The following ABI3BP variants were observed in gnomAD, a reference collection of about 807,000 sequenced individuals.
ABI3BP encodes ABI family member 3 binding protein.
Under a neutral mutation model 268.6 loss-of-function variants are expected in ABI3BP, and 216 were observed. That is an observed-to-expected ratio of 0.80 (90% CI 0.72 to 0.90). The LOEUF (loss-of-function observed/expected upper bound fraction) is 0.90, where lower values mean the gene tolerates loss of function less well. ABI3BP is among the 40% of genes least tolerant of loss of function. The pLI, the probability that ABI3BP is intolerant of heterozygous loss-of-function variation, is 0.00. For missense variants in ABI3BP, 2,090 were observed against 2,182.4 expected, an observed-to-expected ratio of 0.96 and a Z score of 0.84; for synonymous variants, 730 against 730.0, an observed-to-expected ratio of 1.00 and a Z score of 0.00.
chr3:100,814,658 G>A (rs895282409), intron 44 of ABI3BP, among the ~76,000 whole-genome samples: 2 of 152,076 alleles, frequency 1.3e-5, no homozygotes, highest in African/African-American at 2.4e-5. Flanking sequence ...GGTAAAATGT[G>A]TCCTTTCTTT....
chr3:100,765,154 C>CTT (rs1312256452), intron 63 of ABI3BP, among the ~76,000 whole-genome samples: 2 of 148,632 alleles, frequency 1.3e-5, no homozygotes, highest in Non-Finnish European at 3.0e-5. Flanking sequence ...CTAGAAATGT[C>CTT]TAAGACACTT....
chr3:100,938,674 CT>C (rs1396940587), intron 1 of ABI3BP, among the ~76,000 whole-genome samples: 10 of 152,124 alleles, frequency 6.6e-5, no homozygotes, highest in Non-Finnish European at 1.3e-4. Context: ...ACCATGGCAG[CT>C]TCAGCTAAAT....
intron 1 of ABI3BP, among the ~76,000 whole-genome samples, chr3:100,947,265 C>T (rs1367937407): frequency 6.6e-6 from 1 of 152,136 alleles, no homozygotes; most frequent in Non-Finnish European, 1.5e-5. Context: ...GTCAAAGTGG[C>T]TTGGCATCAT....
At chr3:100,929,923 C>T (rs1486519663) in intron 1 of ABI3BP, among the ~76,000 whole-genome samples, 2 of 151,844 alleles carry the variant, frequency 1.3e-5, no homozygotes. Flanking sequence ...TTCCTTTGAA[C>T]GAATGTTTAG....
Position 100,753,810 on chromosome 3 carries a change from G to A in ABI3BP, c.4960+9C>T. ...CATGTAGTTGTGCCTCATTGAGACAGGTACTTACCAGAAACTGGCTCACTC... is the reference window on the plus strand; with the variant it reads ...CATGTAGTTGTGCCTCATTGAGACAAGTACTTACCAGAAACTGGCTCACTC... On this transcript the variant is annotated intron_variant, in intron 65 of 67. Transcript: ENST00000471714. 1.9e-6 allele frequency: 3 copies of A among 1,610,908 alleles called. No individual in the cohort carries two copies. The highest frequency in any genetic ancestry group is 2.5e-6 in the Non-Finnish European group (3 of 1,178,700).
At chr3:100,856,502 T>C (rs893061544) in intron 14 of ABI3BP, among the ~76,000 whole-genome samples, 1 of 152,216 alleles carries the variant, frequency 6.6e-6, no homozygotes, top group African/African-American at 2.4e-5. Flanking sequence ...GAGGAAATTA[T>C]ACCAGAATAA....
Position 100,886,238 on chromosome 3 carries a change from T to G in ABI3BP, c.547A>C (p.Asn183His), listed in dbSNP as rs2041927245. 1 of 1,611,234 alleles carries G rather than the reference T, an allele frequency of 6.2e-7. No individual in the cohort carries two copies. Among genetic ancestry groups the G allele is most frequent in the Admixed American group, 1.7e-5 (1 of 59,674 alleles). ...ICPATETIVE[N>H]LKPNTVYEFG... The stretch of plus-strand genomic sequence containing the variant: ...TCATAAACTGTGTTGGGCTTTAGGT[T>G]TTCCACAATTGTTTCAGTGGCTGGA... The change falls in exon 5 of 68, where the codon AAC becomes CAC. Residue 183 changes from asparagine (N) to histidine (H), a missense_variant. Transcript: ENST00000471714.
At chr3:100,771,384 T>C (rs2096539932) in intron 61 of ABI3BP, among the ~76,000 whole-genome samples, 1 of 151,496 alleles carries the variant, frequency 6.6e-6, no homozygotes, top group African/African-American at 2.4e-5. Context: ...AAGAATAATC[T>C]AGGAATAATT....
intron 14 of ABI3BP, among the ~76,000 whole-genome samples, chr3:100,862,069 T>C (rs1333338004): frequency 1.3e-5 from 2 of 152,222 alleles, no homozygotes; most frequent in Non-Finnish European, 2.9e-5. Context: ...ATAGTTCATG[T>C]TCTGGCCACA....
intron 55 of ABI3BP, 100 bp downstream of exon 55, chr3:100,792,590 TA>T: frequency 8.5e-7 from 1 of 1,183,086 alleles, no homozygotes; most frequent in Non-Finnish European, 1.2e-6. Flanking sequence ...AAAAGTCAAG[TA>T]ATCCACTGTG....
At chr3:100,865,734 C>A (rs1027340320) in intron 10 of ABI3BP, among the ~76,000 whole-genome samples, 4 of 152,204 alleles carry the variant, frequency 2.6e-5, no homozygotes, top group African/African-American at 9.6e-5. Flanking sequence ...AACATGTAGA[C>A]TCTCCCATCA....
chr3:100,825,842 G>A lies in ABI3BP; in HGVS notation c.2605C>T (p.Pro869Ser), dbSNP rs978774790. The A allele has an allele frequency of 1.3e-6, 2 of 1,533,500 alleles. No individual in the cohort carries two copies. Among genetic ancestry groups the A allele is most frequent in the African/African-American group, 1.4e-5 (1 of 72,972 alleles). The allele number at this position is 1,533,500 out of a possible 1,614,324, so 95.0% of individuals were successfully genotyped here. A position where few individuals can be genotyped will look rare whatever the true frequency, so the allele number is the denominator to read the frequency against. Residue 869 changes from proline (P) to serine (S), a missense_variant and splice_region_variant, in exon 35 of 68, where the codon CCT becomes TCT. By Grantham distance (74) the Pro-to-Ser change is moderately conservative (BLOSUM62 -1). Coordinates refer to ENST00000471714, the MANE Select transcript of ABI3BP (RefSeq NM_001375547.2). Reference protein sequence around the residue: ...IKEAPGTTFVPVTDLEPVTFR... With the variant: ...IKEAPGTTFVSVTDLEPVTFR... ...GTAACAGGCTCGAGGTCTGTAACAG[G>A]AACTGAAGTAATAAGATAAACAAAA...
At chr3:100,958,258 C>T (rs1209085546) in intron 1 of ABI3BP, among the ~76,000 whole-genome samples, 1 of 152,138 alleles carries the variant, frequency 6.6e-6, no homozygotes, top group Admixed American at 6.5e-5. Context: ...GTGCTAAAAA[C>T]AGTAAGTTGA....
intron 14 of ABI3BP, among the ~76,000 whole-genome samples, chr3:100,853,932 T>C (rs2098901925): frequency 6.6e-6 from 1 of 152,084 alleles, no homozygotes; most frequent in Admixed American, 6.5e-5. Flanking sequence ...TTTCCATGAG[T>C]TGGAAATAAA....
intron 6 of ABI3BP, 130 bp from the exon 7 acceptor site, chr3:100,876,690 T>C: frequency 1.3e-6 from 1 of 765,746 alleles, no homozygotes; most frequent in Admixed American, 2.5e-5. Context: ...GGTTTAATAG[T>C]TGCTGGTGGC....
At chr3:100,760,667 C>G (rs1274067192) in intron 63 of ABI3BP, among the ~76,000 whole-genome samples, 1 of 152,172 alleles carries the variant, frequency 6.6e-6, no homozygotes, top group Non-Finnish European at 1.5e-5. Context: ...TCCACACTCA[C>G]TGTCCCAATA....
At chr3:100,907,538 TTAAG>T (rs1028776698) in intron 2 of ABI3BP, among the ~76,000 whole-genome samples, 5 of 152,010 alleles carry the variant, frequency 3.3e-5, no homozygotes, top group Non-Finnish European at 7.4e-5. Flanking sequence ...GAAGTATGAA[TTAAG>T]TATTAGTAAC....
intron 63 of ABI3BP, among the ~76,000 whole-genome samples, chr3:100,761,780 T>C (rs1032553205): frequency 6.6e-6 from 1 of 152,230 alleles, no homozygotes; most frequent in African/African-American, 2.4e-5. Context: ...CGTGAAGCTC[T>C]ACTCCACCCA....
chr3:100,894,969 A>C (rs2046934453), intron 4 of ABI3BP, among the ~76,000 whole-genome samples: 1 of 112,194 alleles, frequency 8.9e-6, no homozygotes, highest in Non-Finnish European at 1.9e-5. Flanking sequence ...AAAAAAAAAC[A>C]GAAAAAAAAA....
Sources: gnomAD v4.1 joint callset for allele counts (sites outside exome capture counted in the v4.1 genomes callset) on GRCh38, gnomAD v4.1.1 for gene constraint, MANE v1.5 for transcripts, NCBI Gene and HGNC (gene_info 2026-07-23, HGNC 2026-07-21) for gene names.